Variants in ERRFI1 observed in about 807,000 individuals in gnomAD.
ERRFI1 encodes mitogen-inducible gene 6 protein.
In ERRFI1, 12 loss-of-function variants were observed where a neutral mutation model predicts 14.6. The ratio of observed to expected loss-of-function variants is 0.82; its 90% confidence interval spans 0.53 to 1.33. The LOEUF (loss-of-function observed/expected upper bound fraction) is 1.33, where lower values mean the gene tolerates loss of function less well. Among genes scored for constraint, ERRFI1 ranks in the 40% most tolerant of loss-of-function variants. The probability of loss-of-function intolerance (pLI) is 0.00; values close to 1 mark genes in which losing one functional copy is unlikely to be tolerated. For missense variants in ERRFI1, 482 were observed against 572.1 expected (o/e 0.84, Z 1.61); for synonymous variants, 202 against 209.9 (o/e 0.96, Z 0.32).
intron 1 of ERRFI1, among the ~76,000 whole-genome samples, chr1:8,023,972 A>G (rs1195286987): frequency 6.6e-6 from 1 of 152,212 alleles, no homozygotes; most frequent in Non-Finnish European, 1.5e-5. Flanking sequence ...ATGAGGTACC[A>G]ATTCAAATTT....
chr1:8,019,011 G>A (rs1381633440), intron 1 of ERRFI1, among the ~76,000 whole-genome samples: 1 of 152,132 alleles, frequency 6.6e-6, no homozygotes, highest in East Asian at 1.9e-4. Context: ...AACCAGTTCA[G>A]GGTCTAAGAG....
In ERRFI1 at chr1:8,012,864, C is replaced by G. The variant is rs1357082700; in HGVS notation, c.*346G>C. 3.4e-6 allele frequency: 1 copy of G among 290,196 alleles called. No homozygotes were observed. The highest frequency in any genetic ancestry group is 6.5e-6 in the Non-Finnish European group (1 of 153,854). 18.0% of individuals were successfully genotyped at this position (290,196 alleles called of 1,614,324 possible). On this transcript the variant is annotated 3_prime_UTR_variant, in exon 4 of 4. Coordinates refer to ENST00000377482, the MANE Select transcript of ERRFI1 (RefSeq NM_018948.4). ...TTTATTATTCTGAATATATATTACT[C>G]TACGATAGTAACTAATTGGTTAACC...
intron 1 of ERRFI1, among the ~76,000 whole-genome samples, chr1:8,024,356 C>T (rs568126388): frequency 6.6e-6 from 1 of 152,244 alleles, no homozygotes; most frequent in African/African-American, 2.4e-5. Flanking sequence ...TCAAAAATAT[C>T]AATAATTCAG....
Position 8,013,681 on chromosome 1 carries a change from A to C in ERRFI1, c.918T>G (p.Thr306=). 6.2e-7 allele frequency: 1 copy of C among 1,614,110 alleles called. No homozygotes were observed. The highest frequency in any genetic ancestry group is 8.5e-7 in the Non-Finnish European group (1 of 1,180,026). Residue 306 remains threonine (T), a synonymous_variant, in exon 4 of 4, where the codon ACT becomes ACG. Transcript: ENST00000377482. The surrounding 1 kb of genome is among the most constrained non-coding windows in gnomAD (Gnocchi z 4.3). ...TGTCTTCATCACTATAGGTGCTCGA[A>C]GTAACTTCTGCTGACCATCTTCTAT... ...PDYRRWSAEV[T]SSTYSDEDRP... is the part of the protein sequence containing the mutation.
chr1:8,013,261 A>T lies in ERRFI1; in HGVS notation c.1338T>A (p.Asp446Glu). 1 of 1,614,016 alleles carries T rather than the reference A, an allele frequency of 6.2e-7. No homozygotes were observed. The highest frequency in any genetic ancestry group is 8.5e-7 in the Non-Finnish European group (1 of 1,180,008). Residue 446 changes from aspartate (D) to glutamate (E), a missense_variant, in exon 4 of 4, where the codon GAT becomes GAA. Asp to Glu is a conservative substitution (Grantham distance 45). Coordinates refer to ENST00000377482, the MANE Select transcript of ERRFI1 (RefSeq NM_018948.4). This position sits in a 1 kb window ranked among gnomAD's most constrained non-coding sequence, Gnocchi z 4.3. ...TEKPDSKTKM[D>E]LGGHVKRKHL... is the part of the protein sequence containing the mutation. The stretch of plus-strand genomic sequence containing the variant: ...GTTTACGCTTCACGTGGCCACCCAG[A>T]TCCATTTTTGTTTTTGAGTCTGGCT...
At chr1:8,020,127 A>G (rs894189158) in intron 1 of ERRFI1, among the ~76,000 whole-genome samples, 2 of 151,932 alleles carry the variant, frequency 1.3e-5, no homozygotes, top group African/African-American at 4.8e-5. Context: ...TAACCTAGAT[A>G]TGCTTACCTG....
chr1:8,015,207 C>G lies in ERRFI1; in HGVS notation c.202+101G>C, dbSNP rs1261025708. On this transcript the variant is annotated intron_variant, in intron 3 of 3. Coordinates refer to ENST00000377482, the MANE Select transcript of ERRFI1 (RefSeq NM_018948.4). ...GGTCAGGCTGTTGTTGGAAATAGTT[C>G]AGGTTTCCTCATTTAAAAAATAATG... 29 of 1,019,482 alleles carry G rather than the reference C, an allele frequency of 2.8e-5. No homozygotes were observed. In the Admixed American group the frequency reaches 4.9e-4, roughly 17 times the overall value. 63.2% of individuals were successfully genotyped at this position (1,019,482 alleles called of 1,614,324 possible).
intron 1 of ERRFI1, among the ~76,000 whole-genome samples, chr1:8,017,984 GCTTT>G (rs1244644753): frequency 5.3e-5 from 8 of 152,058 alleles, no homozygotes; most frequent in African/African-American, 1.4e-4. Flanking sequence ...CTACTTGTTA[GCTTT>G]CTTAAGAAAA....
chr1:8,014,213 G>A lies in ERRFI1; in HGVS notation c.386C>T (p.Pro129Leu), dbSNP rs1641137837. The A allele has an allele frequency of 6.2e-7, 1 of 1,614,020 alleles. No individual in the cohort carries two copies. Among genetic ancestry groups the A allele is most frequent in the African/African-American group, 1.3e-5 (1 of 74,900 alleles). Residue 129 changes from proline (P) to leucine (L), a missense_variant, in exon 4 of 4, where the codon CCA becomes CTA. Pro to Leu is a moderately conservative substitution (Grantham distance 98). Coordinates refer to ENST00000377482, the MANE Select transcript of ERRFI1 (RefSeq NM_018948.4). ...TVNGVCASTP[P>L]LTPIKNSPSL... ...AGGGGAGTTTTTTATGGGTGTCAGT[G>A]GAGGGGTGGAAGCACAAACCCCATT...
chr1:8,020,105 A>G (rs1392798226), intron 1 of ERRFI1, among the ~76,000 whole-genome samples: 1 of 151,300 alleles, frequency 6.6e-6, no homozygotes, highest in Non-Finnish European at 1.5e-5. Flanking sequence ...AATGCAGGCT[A>G]CCTTAAGGCA....
intron 1 of ERRFI1, among the ~76,000 whole-genome samples, chr1:8,019,363 A>G (rs1641244776): frequency 6.6e-6 from 1 of 152,114 alleles, no homozygotes; most frequent in Non-Finnish European, 1.5e-5. Context: ...AATTCGATTC[A>G]TCCTTTAAGG....
At chr1:8,017,145 T>C (rs1221486326) in intron 1 of ERRFI1, among the ~76,000 whole-genome samples, 1 of 152,094 alleles carries the variant, frequency 6.6e-6, no homozygotes, top group Admixed American at 6.5e-5. Context: ...ACAGGGTTTT[T>C]TTTTTTAAAG....
chr1:8,020,727 T>C (rs419390), intron 1 of ERRFI1, among the ~76,000 whole-genome samples: 46,707 of 151,624 alleles, frequency 0.31, 9,190 homozygotes, highest in East Asian at 0.63. Context: ...GTATTTTTAG[T>C]AGAGATGGGG....
In ERRFI1 at chr1:8,014,049, C is replaced by CTA. The variant is rs1459496067; in HGVS notation, c.548_549dup (p.Glu184Ter). ...TTGAAATCAGAAAGTGTAGAGTCTT[C>CTA]TAAAAGGAAGTCTGTATCTGAGCTA... On this transcript the variant is annotated frameshift_variant, in exon 4 of 4. Coordinates refer to ENST00000377482, the MANE Select transcript of ERRFI1 (RefSeq NM_018948.4). LOFTEE classifies it low-confidence loss of function (END_TRUNC). 1 of 1,614,000 alleles carries CTA rather than the reference C, an allele frequency of 6.2e-7. No homozygotes were observed. The highest frequency in any genetic ancestry group is 2.2e-5 in the East Asian group (1 of 44,894).
Position 8,013,731 on chromosome 1 carries a change from G to A in ERRFI1, c.868C>T (p.Pro290Ser), listed in dbSNP as rs747993429. ...TAATCTGGCTTTACTGGTCTAGGAG[G>A]TATGGGAACTCTGGGGGGAACCTCA... ...KPEVPPRVPIPPRPVKPDYRR... is the reference protein window; with the variant it reads ...KPEVPPRVPISPRPVKPDYRR... The change falls in exon 4 of 4, where the codon CCT becomes TCT. Residue 290 changes from proline to serine, a missense_variant. Physicochemically the swap from Pro to Ser is moderately conservative, Grantham distance 74. Coordinates refer to ENST00000377482, the MANE Select transcript of ERRFI1 (RefSeq NM_018948.4). This position sits in a 1 kb window ranked among gnomAD's most constrained non-coding sequence, Gnocchi z 4.3. The A allele has an allele frequency of 5.6e-6, 9 of 1,614,052 alleles. No homozygotes were observed. Among genetic ancestry groups the A allele is most frequent in the Admixed American group, 5.0e-5 (3 of 59,994 alleles).
chr1:8,024,817 CTT>C (rs1258137938), intron 1 of ERRFI1, among the ~76,000 whole-genome samples: 1 of 152,150 alleles, frequency 6.6e-6, no homozygotes, highest in Non-Finnish European at 1.5e-5. Flanking sequence ...TTATTTTGGT[CTT>C]TGCAAAATTT....
chr1:8,025,988 C>T (rs879634406), intron 1 of ERRFI1, among the ~76,000 whole-genome samples, 170 bp downstream of exon 1: 140 of 151,940 alleles, frequency 9.2e-4, no homozygotes, highest in Non-Finnish European at 1.7e-3. Flanking sequence ...ACCGGCCGGC[C>T]TCTCCCTCCA....
Position 8,013,973 on chromosome 1 carries a change from T to C in ERRFI1, c.626A>G (p.Tyr209Cys), listed in dbSNP as rs746820111. The C allele has an allele frequency of 1.7e-5, 27 of 1,614,024 alleles. No individual in the cohort carries two copies. In the African/African-American group the frequency reaches 2.4e-4, roughly 14 times the overall value. The change falls in exon 4 of 4, where the codon TAT becomes TGT. Residue 209 changes from tyrosine to cysteine, a missense_variant. By Grantham distance (194) the Tyr-to-Cys change is radical (BLOSUM62 -2). Transcript: ENST00000377482. This position sits in a 1 kb window ranked among gnomAD's most constrained non-coding sequence, Gnocchi z 4.3. ...RSFRGCGQIN[Y>C]AYFDTPAVSA... ...AACAGCTGGGGTATCAAAATATGCA[T>C]AGTTGATTTGTCCACACCCACGGAA...
intron 1 of ERRFI1, among the ~76,000 whole-genome samples, chr1:8,017,421 C>A (rs1033488838): frequency 6.6e-6 from 1 of 152,080 alleles, no homozygotes; most frequent in South Asian, 2.1e-4. Context: ...ATAAAGAAAA[C>A]ATTGTCATTT....
Sources: gnomAD v4.1 joint callset for allele counts (sites outside exome capture counted in the v4.1 genomes callset) on GRCh38, gnomAD v4.1.1 for gene constraint, Gnocchi (gnomAD v3.1) non-coding constraint, MANE v1.5 for transcripts, NCBI Gene and HGNC (gene_info 2026-07-23, HGNC 2026-07-21) for gene names.